Variants in OXCT1 observed in about 807,000 individuals in gnomAD.
The protein encoded by OXCT1 is 3-oxoacid CoA-transferase 1, also known as succinyl-CoA:3-ketoacid coenzyme A transferase 1, mitochondrial.
OXCT1 carries 27 observed loss-of-function variants against 69.6 expected under a neutral mutation model. The ratio of observed to expected loss-of-function variants is 0.39; its 90% CI spans 0.29 to 0.54. OXCT1 has a LOEUF of 0.54. OXCT1 is among the 20% of genes least tolerant of loss of function. The pLI is 0.72. For missense variants in OXCT1, 437 were observed against 650.2 expected (o/e 0.67, Z 3.57); for synonymous variants, 202 against 217.8 (o/e 0.93, Z 0.64).
intron 3 of OXCT1, among the ~76,000 whole-genome samples, chr5:41,860,111 T>C (rs561767043): frequency 2.1e-4 from 32 of 152,018 alleles, no homozygotes; most frequent in African/African-American, 7.7e-4. Context: ...GGGCATAAGA[T>C]ATGTTTAAGA....
chr5:41,792,107 A>C (rs1023260662), intron 13 of OXCT1, among the ~76,000 whole-genome samples: 2 of 152,174 alleles, frequency 1.3e-5, no homozygotes, highest in African/African-American at 4.8e-5. Context: ...CCGGCCCGCA[A>C]CTTCTTATAA....
chr5:41,737,253 T>C (rs941780814), intron 16 of OXCT1, among the ~76,000 whole-genome samples: 23 of 152,234 alleles, frequency 1.5e-4, no homozygotes, highest in African/African-American at 5.5e-4. Context: ...CAAGATTACA[T>C]ATCCCTGTGA....
intron 14 of OXCT1, among the ~76,000 whole-genome samples, chr5:41,761,040 G>A (rs1441546201): frequency 6.6e-6 from 1 of 152,120 alleles, no homozygotes; most frequent in Non-Finnish European, 1.5e-5. Context: ...GTCTCAAAGT[G>A]AGAAGAGGTA....
At chr5:41,842,364 C>A (rs1748667605) in intron 6 of OXCT1, among the ~76,000 whole-genome samples, 1 of 152,138 alleles carries the variant, frequency 6.6e-6, no homozygotes, top group African/African-American at 2.4e-5. Context: ...TATGATGTCA[C>A]ATTTTCTAAG....
chr5:41,828,492 G>A (rs1003421298), intron 7 of OXCT1, among the ~76,000 whole-genome samples: 2 of 152,098 alleles, frequency 1.3e-5, no homozygotes, highest in Admixed American at 1.3e-4. Context: ...AAAAAGGCAA[G>A]TGCTTCTAAT....
chr5:41,796,642 G>A (rs577087085), intron 11 of OXCT1, among the ~76,000 whole-genome samples: 2 of 152,016 alleles, frequency 1.3e-5, no homozygotes, highest in Admixed American at 6.5e-5. Context: ...TATATCTCTC[G>A]AGGGAGTTTT....
At chr5:41,862,835 CAA>C (rs1749803260) in intron 1 of OXCT1, 85 bp from the exon 2 acceptor site, 2 of 792,596 alleles carry the variant, frequency 2.5e-6, no homozygotes. Context: ...AATTGATAGA[CAA>C]ATGATAATTT....
chr5:41,748,386 T>C (rs1212752505), intron 15 of OXCT1, among the ~76,000 whole-genome samples: 1 of 152,026 alleles, frequency 6.6e-6, no homozygotes, highest in Non-Finnish European at 1.5e-5. Flanking sequence ...GAATTATCTT[T>C]AGAAGGACTA....
At chr5:41,841,091 C>A (rs1187693390) in intron 6 of OXCT1, among the ~76,000 whole-genome samples, 2 of 152,142 alleles carry the variant, frequency 1.3e-5, no homozygotes, top group African/African-American at 4.8e-5. Flanking sequence ...CATCAGACCC[C>A]GAGGTGTAAA....
intron 7 of OXCT1, among the ~76,000 whole-genome samples, chr5:41,830,824 A>C (rs1474133728): frequency 6.6e-6 from 1 of 152,216 alleles, no homozygotes; most frequent in Non-Finnish European, 1.5e-5. Context: ...AATAAGAAAA[A>C]TTTAAGAGAG....
At chr5:41,749,461 A>C (rs1743658573) in intron 15 of OXCT1, 66 bp downstream of exon 15, 1 of 935,398 alleles carries the variant, frequency 1.1e-6, no homozygotes, top group East Asian at 2.4e-5. Flanking sequence ...ACACTCTTAG[A>C]AGGTAACAAA....
At chr5:41,814,200 T>C (rs1177286950) in intron 7 of OXCT1, among the ~76,000 whole-genome samples, 1 of 151,906 alleles carries the variant, frequency 6.6e-6, no homozygotes, top group South Asian at 2.1e-4. Flanking sequence ...CCAGAAAGAA[T>C]AGCTAATTCA....
chr5:41,738,061 A>T (rs1313898688), intron 16 of OXCT1, among the ~76,000 whole-genome samples: 3 of 152,224 alleles, frequency 2.0e-5, no homozygotes, highest in Non-Finnish European at 4.4e-5. Context: ...TCTTAAAAAA[A>T]AAATGTGTTA....
chr5:41,858,941 T>G (rs946546030), intron 3 of OXCT1, among the ~76,000 whole-genome samples: 1 of 152,232 alleles, frequency 6.6e-6, no homozygotes, highest in Non-Finnish European at 1.5e-5. Context: ...TCATTTTCTA[T>G]GTGGTTTCAA....
Position 41,794,068 on chromosome 5 carries a change from C to A in OXCT1, c.1183G>T (p.Asp395Tyr), listed in dbSNP as rs544345952. ...TGCATCGCTCCTAGCATTGTCAGATCGACGTGTCCACTGAGAAAGAAAGAG... is the reference window on the plus strand; with the variant it reads ...TGCATCGCTCCTAGCATTGTCAGATAGACGTGTCCACTGAGAAAGAAAGAG... ...SFAMIRGGHV[D>Y]LTMLGAMQVS... The change falls in exon 13 of 17, where the codon GAT becomes TAT. Residue 395 changes from aspartate to tyrosine, a missense_variant. Transcript: ENST00000196371. The A allele has an allele frequency of 6.2e-7, 1 of 1,612,474 alleles. No individual in the cohort carries two copies.
chr5:41,791,241 C>T (rs938400021), intron 13 of OXCT1, among the ~76,000 whole-genome samples: 2 of 152,124 alleles, frequency 1.3e-5, no homozygotes, highest in African/African-American at 4.8e-5. Flanking sequence ...AAAAAAAATG[C>T]TAATCAGAAG....
intron 13 of OXCT1, among the ~76,000 whole-genome samples, chr5:41,765,119 A>C (rs1744534424): frequency 6.6e-6 from 1 of 152,174 alleles, no homozygotes; most frequent in African/African-American, 2.4e-5. Flanking sequence ...CCCTGACATA[A>C]GCGGGAAATG....
chr5:41,751,830 A>C (rs1030311802), intron 14 of OXCT1, among the ~76,000 whole-genome samples: 1 of 152,178 alleles, frequency 6.6e-6, no homozygotes, highest in Admixed American at 6.5e-5. Context: ...AGAAACTGGC[A>C]CCAAATGTAT....
In OXCT1 at chr5:41,870,399, CG is replaced by C; in HGVS notation, c.-42del. On this transcript the variant is annotated 5_prime_UTR_variant, in exon 1 of 17. Coordinates refer to ENST00000196371, the MANE Select transcript of OXCT1 (RefSeq NM_000436.4). The surrounding 1 kb of genome is among the most constrained non-coding windows in gnomAD (Gnocchi z 4.2). ...CAGGAGGAGGCTGCGGGTTGGAGCGCGCGTTTGAGCGTCGGTGCGCGACTGC... is the reference window on the plus strand; with the variant it reads ...CAGGAGGAGGCTGCGGGTTGGAGCGCCGTTTGAGCGTCGGTGCGCGACTGC... The C allele has an allele frequency of 6.7e-7, 1 of 1,498,722 alleles. No individual in the cohort carries two copies. Among genetic ancestry groups the C allele is most frequent in the Non-Finnish European group, 9.2e-7 (1 of 1,081,150 alleles). 92.8% of individuals were successfully genotyped at this position (1,498,722 alleles called of 1,614,324 possible).
Sources: allele counts gnomAD v4.1 joint callset (sites outside exome capture counted in the v4.1 genomes callset), GRCh38; gene constraint gnomAD v4.1.1; non-coding constraint Gnocchi (gnomAD v3.1); transcripts MANE v1.5; gene names NCBI Gene and HGNC (gene_info 2026-07-23, HGNC 2026-07-21).